MOBP: variants seen among roughly 807,000 people sequenced by gnomAD.
MOBP encodes the protein myelin associated oligodendrocyte basic protein.
In MOBP, 5 loss-of-function variants were observed where a neutral mutation model predicts 15.0. The ratio of observed to expected loss-of-function variants is 0.33; its 90% confidence interval spans 0.17 to 0.70. MOBP has a LOEUF of 0.70. Ranked by LOEUF, MOBP falls within the 30% of genes least tolerant of loss-of-function variation. The pLI, the probability that MOBP is intolerant of heterozygous loss-of-function variation, is 0.67. For synonymous variants in MOBP, 88 were observed against 99.0 expected, an observed-to-expected ratio of 0.89 and a Z score of 0.66; for missense variants, 188 against 257.8, an observed-to-expected ratio of 0.73 and a Z score of 1.85.
chr3:39,521,131 G>A (rs2043261292), intron 3 of MOBP, among the ~76,000 whole-genome samples: 1 of 151,924 alleles, frequency 6.6e-6, no homozygotes, highest in African/African-American at 2.4e-5. Flanking sequence ...TGTATTTTTA[G>A]TAGAGACAGG....
intron 1 of MOBP, among the ~76,000 whole-genome samples, chr3:39,469,046 ATGTGTGTGTATATACATATATACATATG>A (rs1559411976): frequency 1.4e-5 from 1 of 73,396 alleles, no homozygotes; most frequent in Non-Finnish European, 2.4e-5. Context: ...ATATATACAT[ATGTGTGTGTATATACATATATACATATG>A]TGTGTGTGTA....
intron 2 of MOBP, among the ~76,000 whole-genome samples, chr3:39,492,011 A>C (rs2042802314): frequency 6.6e-6 from 1 of 152,198 alleles, no homozygotes; most frequent in African/African-American, 2.4e-5. Flanking sequence ...CTCATCCAGC[A>C]TGACTATGAG....
intron 1 of MOBP, among the ~76,000 whole-genome samples, chr3:39,478,028 A>G (rs896585154): frequency 2.6e-5 from 4 of 152,126 alleles, no homozygotes; most frequent in African/African-American, 9.7e-5. Context: ...TTATTTTTGA[A>G]GAAAGAAAAA....
chr3:39,509,076 G>A (rs2043085494), intron 4 of MOBP, among the ~76,000 whole-genome samples: 1 of 98,164 alleles, frequency 1.0e-5, no homozygotes, highest in Admixed American at 1.3e-4. Flanking sequence ...GTGCACATAT[G>A]TGTGTGAGAG....
chr3:39,513,469 A>G (rs1362327411), exon 5 of MOBP: 3 of 1,576,174 alleles, frequency 1.9e-6, no homozygotes, highest in Non-Finnish European at 2.6e-6. Context: ...TCCTGGACTC[A>G]TTGCTTCACA....
chr3:39,481,960 C>T (rs2042634598), intron 2 of MOBP, among the ~76,000 whole-genome samples: 1 of 152,204 alleles, frequency 6.6e-6, no homozygotes, highest in Non-Finnish European at 1.5e-5. Flanking sequence ...ATCCCTTCCA[C>T]TCTCATGGCT....
At chr3:39,470,714 T>C (rs1470312307) in intron 1 of MOBP, among the ~76,000 whole-genome samples, 1 of 152,232 alleles carries the variant, frequency 6.6e-6, no homozygotes, top group East Asian at 1.9e-4. Context: ...GTAATTGAGT[T>C]CAATGTCAAA....
At chr3:39,509,515 T>C (rs536982114) in intron 4 of MOBP, among the ~76,000 whole-genome samples, 1 of 152,186 alleles carries the variant, frequency 6.6e-6, no homozygotes, top group Non-Finnish European at 1.5e-5. Context: ...AAGACACTTA[T>C]TTGGTGAAAT....
At position 39,502,553 on chromosome 3, in the gene MOBP, G is replaced by A; in HGVS notation, c.225G>A (p.Lys75=). The A allele has an allele frequency of 6.3e-7, 1 of 1,580,460 alleles. No homozygotes were observed. The highest frequency in any genetic ancestry group is 8.5e-7 in the Non-Finnish European group (1 of 1,172,034). The stretch of plus-strand genomic sequence containing the variant: ...CTCTCAGAACCAGCCGCCGTGCCAA[G>A]TCCCCTCAGAGGCCCAAGCAACAGC... ...CQKTRTSRRA[K]SPQRPKQQPA... is the part of the protein sequence containing the mutation. The change falls in exon 4 of 4, where the codon AAG becomes AAA. Residue 75 remains lysine, a synonymous_variant. Transcript: ENST00000684792. This position sits in a 1 kb window ranked among gnomAD's most constrained non-coding sequence, Gnocchi z 6.3.
At chr3:39,523,845 G>A (rs1178188332) in intron 3 of MOBP, among the ~76,000 whole-genome samples, 3 of 152,146 alleles carry the variant, frequency 2.0e-5, no homozygotes, top group African/African-American at 7.2e-5. Flanking sequence ...TTTCTCACTA[G>A]CTGTGTGAGT....
At chr3:39,507,871 A>G (rs2043066796), downstream of MOBP, among the ~76,000 whole-genome samples, 3 of 152,132 alleles carry the variant, frequency 2.0e-5, no homozygotes, top group Non-Finnish European at 4.4e-5. Context: ...TTTTATCTCC[A>G]TCTATCAGAC....
At chr3:39,500,013 A>C (rs778418248) in intron 2 of MOBP, 114 of 455,906 alleles carry the variant, frequency 2.5e-4, no homozygotes, top group South Asian at 9.0e-4. Context: ...GTTGCAGAGC[A>C]TGCTGGCCTT....
At chr3:39,528,295 T>C (rs1422045838), downstream of MOBP, 1 of 152,218 alleles carries the variant, frequency 6.6e-6, no homozygotes, top group Non-Finnish European at 1.5e-5. Flanking sequence ...TGGAACAAGC[T>C]TATTTGTAGA....
chr3:39,469,321 T>C (rs114522089), intron 1 of MOBP, among the ~76,000 whole-genome samples: 6,733 of 149,770 alleles, frequency 0.045, 458 homozygotes, highest in South Asian at 0.14. Context: ...TATTTATATC[T>C]AATTAATTTT....
At chr3:39,479,850 G>T (rs1388292999) in intron 1 of MOBP, among the ~76,000 whole-genome samples, 190 bp from the exon 2 acceptor site, 4 of 149,896 alleles carry the variant, frequency 2.7e-5, no homozygotes, top group Non-Finnish European at 5.9e-5. Context: ...GTTATTAAAA[G>T]TTTACACGTG....
intron 2 of MOBP, among the ~76,000 whole-genome samples, chr3:39,500,754 G>A (rs2042957846): frequency 6.6e-6 from 1 of 152,192 alleles, no homozygotes; most frequent in African/African-American, 2.4e-5. Context: ...ACGGGAGCAG[G>A]ATCCAGAGAG....
chr3:39,508,939 A>G (rs976674040), intron 4 of MOBP, among the ~76,000 whole-genome samples: 1 of 152,154 alleles, frequency 6.6e-6, no homozygotes, highest in African/African-American at 2.4e-5. Context: ...CCTTGGATGA[A>G]CACAACTATA....
intron 2 of MOBP, among the ~76,000 whole-genome samples, chr3:39,489,698 T>C (rs1651674816): frequency 1.4e-5 from 2 of 143,508 alleles, no homozygotes; most frequent in African/African-American, 2.6e-5. Flanking sequence ...CCCGCCCAGC[T>C]CCTGTCCCAG....
intron 1 of MOBP, among the ~76,000 whole-genome samples, chr3:39,476,897 AT>A (rs2042552729): frequency 6.6e-6 from 1 of 152,048 alleles, no homozygotes; most frequent in Non-Finnish European, 1.5e-5. Context: ...ATTAAAAAAA[AT>A]TTGGTATCCT....
Sources: allele counts gnomAD v4.1 joint callset (sites outside exome capture counted in the v4.1 genomes callset), GRCh38; gene constraint gnomAD v4.1.1; non-coding constraint Gnocchi (gnomAD v3.1); transcripts MANE v1.5; gene names NCBI Gene and HGNC (gene_info 2026-07-23, HGNC 2026-07-21).